DNAH6: variants seen among roughly 807,000 people sequenced by gnomAD.
The protein encoded by DNAH6 is axonemal beta dynein heavy chain 6.
Under a neutral mutation model 491.4 loss-of-function variants are expected in DNAH6, and 340 were observed. The observed-to-expected ratio is 0.69, with a 90% confidence interval of 0.63 to 0.76. DNAH6 has a LOEUF of 0.76. DNAH6 is among the 30% of genes least tolerant of loss of function. The probability of loss-of-function intolerance (pLI) is 0.00; values close to 1 mark genes in which losing one functional copy is unlikely to be tolerated. For missense variants in DNAH6, 4,443 were observed against 4,972.2 expected (o/e 0.89, Z 3.20); for synonymous variants, 1,603 against 1,686.1 (o/e 0.95, Z 1.21).
At chr2:84,510,532 G>T in the DNAH6 span, among the ~76,000 whole-genome samples, 1 of 152,004 alleles carries the variant, frequency 6.6e-6, no homozygotes, top group Non-Finnish European at 1.5e-5. Context: ...TCCTCCTTTA[G>T]CTCGGAGTAG....
chr2:84,732,672 T>A (rs1699220744), intron 61 of DNAH6, among the ~76,000 whole-genome samples: 1 of 152,216 alleles, frequency 6.6e-6, no homozygotes, highest in Non-Finnish European at 1.5e-5. Flanking sequence ...GGTATCTTTT[T>A]GAGGAAATTA....
chr2:84,796,268 A>T, intron 68 of DNAH6, 38 bp from the exon 69 acceptor site: 1 of 1,373,974 alleles, frequency 7.3e-7, no homozygotes, highest in African/African-American at 1.5e-5. Flanking sequence ...CAATTTTTTA[A>T]AAACAGCAAT....
rs773453866 is a variant in DNAH6 at position 84,594,059 on chromosome 2, G to A, written c.2698G>A (p.Asp900Asn). The change falls in exon 17 of 77, where the codon GAT (aspartate) becomes AAT (asparagine). Residue 900 changes from aspartate (D) to asparagine (N), a missense_variant. This residue lies in a region of DNAH6 where 2,977 missense variants were observed against 3,296.6 expected (regional missense o/e 0.90). Transcript: ENST00000389394. ...GCTCTGGGATTCTTTCTCTGAATGG[G>A]ATAAACTCCAACAAGAATGGTTAAA... ...QLLWDSFSEWDKLQQEWLKSK... is the reference protein window; with the variant it reads ...QLLWDSFSEWNKLQQEWLKSK... 1.3e-6 allele frequency: 2 copies of A among 1,548,810 alleles called. No homozygotes were observed. Among genetic ancestry groups the A allele is most frequent in the South Asian group, 1.2e-5 (1 of 83,812 alleles).
rs140577999 is a variant in DNAH6 at position 84,579,629 on chromosome 2, A to G, written c.2179A>G (p.Thr727Ala). 2.0e-3 allele frequency: 3,147 copies of G among 1,611,308 alleles called. 24 individuals carry two copies. The highest frequency in any genetic ancestry group is 2.2e-3 in the Non-Finnish European group (2,573 of 1,179,134). ...TAAACTTGAGTTTGTTCCAACTACTACCACAGAATATGTTCATAGCTTATT... is the reference window on the plus strand; with the variant it reads ...TAAACTTGAGTTTGTTCCAACTACTGCCACAGAATATGTTCATAGCTTATT... ...EYKLEFVPTT[T>A]TEYVHSLLFL... The change falls in exon 14 of 77, where the codon ACC (threonine) becomes GCC (alanine). Residue 727 changes from threonine (T) to alanine (A), a missense_variant. Transcript: ENST00000389394.
intron 59 of DNAH6, among the ~76,000 whole-genome samples, chr2:84,720,577 C>G (rs1464819145): frequency 6.6e-6 from 1 of 152,022 alleles, no homozygotes; most frequent in African/African-American, 2.4e-5. Context: ...CGCGCCCGGC[C>G]GAGTGCTTCT....
intron 64 of DNAH6, among the ~76,000 whole-genome samples, chr2:84,766,170 G>A (rs1365597092): frequency 2.0e-5 from 3 of 151,578 alleles, no homozygotes. Context: ...AACAAAAGTT[G>A]CAAAATGGGT....
chr2:84,562,279 C>T (rs1329869771), intron 11 of DNAH6, among the ~76,000 whole-genome samples: 1 of 151,850 alleles, frequency 6.6e-6, no homozygotes, highest in African/African-American at 2.4e-5. Flanking sequence ...CACATATAAC[C>T]ATAAGACACA....
At position 84,557,886 on chromosome 2, in the gene DNAH6, C is replaced by T. The variant is rs1283268764; in HGVS notation, c.1754C>T (p.Ala585Val). ...KTCGTGPSLA[A>V]VFEDDKNFHT... The stretch of plus-strand genomic sequence containing the variant: ...TGTGGAACTGGGCCAAGTTTAGCAG[C>T]AGTATTTGAGGATGATAAGAATTTT... The change falls in exon 11 of 77, where the codon GCA becomes GTA. Residue 585 changes from alanine (A) to valine (V), a missense_variant. This residue lies in a region of DNAH6 where 2,977 missense variants were observed against 3,296.6 expected (regional missense o/e 0.90). Transcript: ENST00000389394. The T allele has an allele frequency of 1.2e-6, 2 of 1,611,914 alleles. No homozygotes were observed. The highest frequency in any genetic ancestry group is 4.5e-5 in the East Asian group (2 of 44,776).
At position 84,762,837 on chromosome 2, in the gene DNAH6, T is replaced by C. The variant is rs1456211740; in HGVS notation, c.10595T>C (p.Leu3532Pro). The C allele has an allele frequency of 6.4e-7, 1 of 1,551,026 alleles. No homozygotes were observed. The highest frequency in any genetic ancestry group is 8.7e-7 in the Non-Finnish European group (1 of 1,146,534). ...IETPPVDLPT[L>P]YQDMSCNTPL... ...ACACCACCTGTGGACCTGCCTACCC[T>C]GTATCAAGACATGTCATGCAACACT... Residue 3532 changes from leucine to proline, a missense_variant, in exon 64 of 77, where the codon CTG (leucine) becomes CCG (proline). This residue lies in a region of DNAH6 where 1,463 missense variants were observed against 1,656.6 expected (regional missense o/e 0.88). Coordinates refer to ENST00000389394, the MANE Select transcript of DNAH6 (RefSeq NM_001370.2).
intron 9 of DNAH6, among the ~76,000 whole-genome samples, chr2:84,551,032 C>T (rs757589366): frequency 6.6e-6 from 1 of 152,114 alleles, no homozygotes; most frequent in Non-Finnish European, 1.5e-5. Context: ...TGCCCTAGCT[C>T]CATCCTTAGT....
At chr2:84,734,048 C>G (rs1699329568) in intron 62 of DNAH6, among the ~76,000 whole-genome samples, 1 of 151,938 alleles carries the variant, frequency 6.6e-6, no homozygotes, top group Admixed American at 6.6e-5. Flanking sequence ...TCTCGCTTCT[C>G]TCTTCCTCAG....
intron 3 of DNAH6, among the ~76,000 whole-genome samples, chr2:84,526,534 T>G (rs1374564832): frequency 6.6e-6 from 1 of 152,102 alleles, no homozygotes; most frequent in Non-Finnish European, 1.5e-5. Flanking sequence ...TAAAAGGGAC[T>G]TTTACACCTG....
chr2:84,506,696 C>T, the DNAH6 span, among the ~76,000 whole-genome samples: 21 of 10,538 alleles, frequency 2.0e-3, no homozygotes, highest in African/African-American at 1.3e-3. Context: ...GTTTTTATGG[C>T]TTTAGTTTAA....
At chr2:84,544,211 C>G (rs1678546817) in intron 4 of DNAH6, 22 bp from the exon 5 acceptor site, 1 of 1,261,788 alleles carries the variant, frequency 7.9e-7, no homozygotes, top group Non-Finnish European at 1.1e-6. Context: ...ATTTATTAGT[C>G]CCAATTTTTA....
At chr2:84,639,671 C>T (rs539672598) in intron 31 of DNAH6, among the ~76,000 whole-genome samples, 5 of 152,188 alleles carry the variant, frequency 3.3e-5, no homozygotes, top group Admixed American at 1.3e-4. Context: ...TCACCCATCT[C>T]GATCTCCCAA....
chr2:84,546,980 C>T (rs573922472), intron 5 of DNAH6, among the ~76,000 whole-genome samples: 3 of 152,244 alleles, frequency 2.0e-5, no homozygotes, highest in Admixed American at 2.0e-4. Flanking sequence ...ATTACTTGCC[C>T]TCAGTTCCTT....
chr2:84,583,728 C>A (rs960933271), intron 14 of DNAH6, among the ~76,000 whole-genome samples: 1 of 152,208 alleles, frequency 6.6e-6, no homozygotes, highest in Admixed American at 6.5e-5. Context: ...TTTCCCTGCA[C>A]AAGTTCTCTT....
At chr2:84,654,455 T>C (rs1346817965) in intron 34 of DNAH6, among the ~76,000 whole-genome samples, 1 of 152,126 alleles carries the variant, frequency 6.6e-6, no homozygotes, top group African/African-American at 2.4e-5. Flanking sequence ...CCTGTAGTTG[T>C]GGGAATTTTT....
At chr2:84,704,952 A>G (rs1696288449) in intron 51 of DNAH6, among the ~76,000 whole-genome samples, 1 of 152,174 alleles carries the variant, frequency 6.6e-6, no homozygotes, top group South Asian at 2.1e-4. Context: ...TTAAACTGGT[A>G]CCTCGGTAGG....
Sources: gnomAD v4.1 joint callset for allele counts (sites outside exome capture counted in the v4.1 genomes callset) on GRCh38, gnomAD v4.1.1 for gene constraint, gnomAD v4.1.1 regional missense constraint, MANE v1.5 for transcripts, NCBI Gene and HGNC (gene_info 2026-07-23, HGNC 2026-07-21) for gene names.